The following GABRA1 variants were observed in gnomAD, a reference collection of about 807,000 sequenced individuals.
GABRA1 encodes the protein gamma-aminobutyric acid type A receptor subunit alpha1, also known as gamma-aminobutyric acid receptor subunit alpha-1.
Under a neutral mutation model 48.9 loss-of-function variants are expected in GABRA1, and 9 were observed. That is an observed-to-expected ratio of 0.18 (90% CI 0.11 to 0.32). The LOEUF (loss-of-function observed/expected upper bound fraction) is 0.32. Among genes scored for constraint, GABRA1 ranks in the 10% least tolerant of loss-of-function variants. GABRA1 has a pLI of 1.00. For missense variants in GABRA1, 285 were observed against 553.8 expected (o/e 0.51, Z 4.87); for synonymous variants, 210 against 198.7 (o/e 1.06, Z -0.48).
intron 8 of GABRA1, among the ~76,000 whole-genome samples, chr5:161,891,863 A>C (rs1294782267): frequency 6.6e-6 from 1 of 152,212 alleles, no homozygotes; most frequent in African/African-American, 2.4e-5. Flanking sequence ...TGAAGCTTAA[A>C]ATTGAGTAAT....
At chr5:161,875,270 A>C (rs1038903499) in intron 5 of GABRA1, among the ~76,000 whole-genome samples, 1 of 152,158 alleles carries the variant, frequency 6.6e-6, no homozygotes, top group Non-Finnish European at 1.5e-5. Context: ...ACCATTTGCT[A>C]TAGCTGAGTG....
At chr5:161,873,608 CT>C (rs1754219824) in intron 5 of GABRA1, among the ~76,000 whole-genome samples, 1 of 152,140 alleles carries the variant, frequency 6.6e-6, no homozygotes, top group Non-Finnish European at 1.5e-5. Flanking sequence ...CCTCTCCCTA[CT>C]ATAAAACTCA....
chr5:161,858,973 A>G (rs1757752190), intron 3 of GABRA1, among the ~76,000 whole-genome samples: 1 of 151,824 alleles, frequency 6.6e-6, no homozygotes, highest in Admixed American at 6.6e-5. Flanking sequence ...CTGAGAGAAG[A>G]GTGGAGAGGC....
At chr5:161,849,860 C>T (rs912612379) in intron 1 of GABRA1, among the ~76,000 whole-genome samples, 4 of 152,168 alleles carry the variant, frequency 2.6e-5, no homozygotes, top group Non-Finnish European at 4.4e-5. Flanking sequence ...ATTCTCTAAG[C>T]TTTCTGTACT....
intron 2 of GABRA1, 43 bp downstream of exon 2, chr5:161,850,927 C>A: frequency 1.3e-6 from 2 of 1,517,714 alleles, no homozygotes; most frequent in Non-Finnish European, 1.8e-6. Flanking sequence ...ATTTCTGTAA[C>A]TTTTCATTTA....
At chr5:161,863,407 T>C (rs1217273585) in intron 3 of GABRA1, among the ~76,000 whole-genome samples, 1 of 151,854 alleles carries the variant, frequency 6.6e-6, no homozygotes, top group African/African-American at 2.4e-5. Context: ...TTTCCAATCA[T>C]GGTGGAAGGT....
intron 6 of GABRA1, among the ~76,000 whole-genome samples, chr5:161,877,344 T>C (rs1356772930): frequency 1.3e-5 from 2 of 152,086 alleles, no homozygotes; most frequent in African/African-American, 4.8e-5. Context: ...CTTTCAGCAG[T>C]GAGAATAGCT....
chr5:161,851,986 T>C (rs1757463393), intron 2 of GABRA1, among the ~76,000 whole-genome samples: 1 of 152,072 alleles, frequency 6.6e-6, no homozygotes, highest in Non-Finnish European at 1.5e-5. Flanking sequence ...TCAAAATATA[T>C]ATTCAGTTTA....
intron 9 of GABRA1, 102 bp from the exon 10 acceptor site, chr5:161,897,009 G>T (rs1293549452): frequency 2.1e-6 from 2 of 961,612 alleles, no homozygotes; most frequent in Non-Finnish European, 3.3e-6. Context: ...CCTAAATAAG[G>T]CACAGATTTA....
intron 7 of GABRA1, among the ~76,000 whole-genome samples, chr5:161,885,777 A>G (rs1374594904): frequency 6.6e-6 from 1 of 152,176 alleles, no homozygotes; most frequent in African/African-American, 2.4e-5. Flanking sequence ...ACTACTGGAC[A>G]GAGTATATGG....
rs575361043 is a variant in GABRA1, at chr5:161,887,658, C to T, written c.704-3240C>T. On this transcript the variant is annotated intron_variant, in intron 7 of 9. Transcript: ENST00000393943. ...CAATATTAGTATCCATAGAAAACAC[C>T]AAGTTTAGAATACTTGGAAGGAAAA... Among the ~76,000 whole-genome samples, 14 of 152,114 alleles carry T rather than the reference C, an allele frequency of 9.2e-5. No homozygotes were observed. In the South Asian group the frequency reaches 2.9e-3, roughly 32 times the overall value.
chr5:161,883,393 T>C (rs1754701399), intron 7 of GABRA1, among the ~76,000 whole-genome samples: 2 of 152,178 alleles, frequency 1.3e-5, no homozygotes, highest in Admixed American at 1.3e-4. Context: ...GACCTGACAC[T>C]GTGGAAAAGC....
rs779231183 is a variant in GABRA1, at chr5:161,875,555, T to C, written c.477-5T>C. The C allele has an allele frequency of 8.7e-6, 14 of 1,611,794 alleles. No homozygotes were observed. The Admixed American group carries it at 2.3e-4, about 27-fold the overall frequency. ...CTCTTGTTTGTATTCTATGTTTCCCTTAAGGCTGACAGTGAGAGCTGAATG... is the reference window on the plus strand; with the variant it reads ...CTCTTGTTTGTATTCTATGTTTCCCCTAAGGCTGACAGTGAGAGCTGAATG... On this transcript the variant is annotated splice_region_variant and splice_polypyrimidine_tract_variant and intron_variant, in intron 5 of 9. Transcript: ENST00000393943.
At chr5:161,894,462 A>C (rs6894517) in intron 8 of GABRA1, among the ~76,000 whole-genome samples, 26,718 of 152,076 alleles carry the variant, frequency 0.18, 3,096 homozygotes, top group African/African-American at 0.32. Flanking sequence ...GAATTTCAAC[A>C]ATGGTATAGA....
At position 161,897,276 on chromosome 5, in the gene GABRA1, C is replaced by T. The variant is rs139793542; in HGVS notation, c.1225C>T (p.Pro409Ser). The T allele has an allele frequency of 1.5e-5, 25 of 1,614,040 alleles. No homozygotes were observed. The African/African-American group carries it at 3.2e-4, about 21-fold the overall frequency. Residue 409 changes from proline (P) to serine (S), a missense_variant, in exon 10 of 10, where the codon CCC becomes TCC. Coordinates refer to ENST00000393943, the MANE Select transcript of GABRA1 (RefSeq NM_001127644.2). ...EVKPETKPPE[P>S]KKTFNSVSKI... is the part of the protein sequence containing the mutation. ...CAAGCCCGAAACAAAACCACCAGAA[C>T]CCAAGAAAACCTTTAACAGTGTCAG...
chr5:161,850,860 T>C lies in GABRA1; in HGVS notation c.50T>C (p.Leu17Pro). 6.2e-7 allele frequency: 1 copy of C among 1,613,996 alleles called. No homozygotes were observed. Among genetic ancestry groups the C allele is most frequent in the Non-Finnish European group, 8.5e-7 (1 of 1,179,870 alleles). ...LSDCLWAWIL[L>P]LSTLTGRSYG... The stretch of plus-strand genomic sequence containing the variant: ...GACTGTCTTTGGGCCTGGATCCTCC[T>C]TCTGAGCACACTGACTGGAAGAAGG... The change falls in exon 2 of 10, where the codon CTT (leucine) becomes CCT (proline). Residue 17 changes from leucine (L) to proline (P), a missense_variant. By Grantham distance (98) the Leu-to-Pro change is moderately conservative. Around this residue, in one of 6 missense-constraint regions of GABRA1, gnomAD observed 45 missense variants for 39.9 expected, o/e 1.13. Coordinates refer to ENST00000393943, the MANE Select transcript of GABRA1 (RefSeq NM_001127644.2).
chr5:161,898,859 C>A lies in GABRA1; in HGVS notation c.*1437C>A, dbSNP rs949202975. On this transcript the variant is annotated 3_prime_UTR_variant, in exon 10 of 10. Coordinates refer to ENST00000393943, the MANE Select transcript of GABRA1 (RefSeq NM_001127644.2). ...AATATAAAATACATAAAAGAATGTA[C>A]AGAAAATAGCTTTTATTGAGTAATA... 6.6e-6 allele frequency: 1 copy of A among 152,406 alleles called. No homozygotes were observed. Among genetic ancestry groups the A allele is most frequent in the Non-Finnish European group, 1.5e-5 (1 of 67,964 alleles). The allele number at this position is 152,406 out of a possible 1,614,324, so 9.4% of individuals were successfully genotyped here.
In GABRA1 at chr5:161,895,064, A is replaced by G. The variant is rs141078132; in HGVS notation, c.857-602A>G. Among the ~76,000 whole-genome samples the G allele has an allele frequency of 3.9e-5, 6 of 152,182 alleles. No homozygotes were observed. The East Asian group carries it at 1.2e-3, about 29-fold the overall frequency. The stretch of plus-strand genomic sequence containing the variant: ...TATGTGAGTGTGTGTCTATATGTAT[A>G]TGAGACACACATGTTTCTATCTATA... On this transcript the variant is annotated intron_variant, in intron 8 of 9. Coordinates refer to ENST00000393943, the MANE Select transcript of GABRA1 (RefSeq NM_001127644.2).
intron 2 of GABRA1, among the ~76,000 whole-genome samples, chr5:161,852,029 A>G (rs1157946217): frequency 1.3e-5 from 2 of 152,150 alleles, no homozygotes; most frequent in Non-Finnish European, 1.5e-5. Context: ...TGTTTAATAC[A>G]AAATGAATAA....
Sources: allele counts gnomAD v4.1 joint callset (sites outside exome capture counted in the v4.1 genomes callset), GRCh38; gene constraint gnomAD v4.1.1; regional missense constraint gnomAD v4.1.1; transcripts MANE v1.5; gene names NCBI Gene and HGNC (gene_info 2026-07-23, HGNC 2026-07-21).